The following BCL11A variants were observed in gnomAD, a reference collection of about 807,000 sequenced individuals.
BCL11A encodes BCL11 transcription factor A.
Under a neutral mutation model 55.9 loss-of-function variants are expected in BCL11A, and 2 were observed. The observed-to-expected ratio is 0.04, with a 90% CI of 0.01 to 0.11. The LOEUF is 0.11. Ranked by LOEUF, BCL11A falls within the 10% of genes least tolerant of loss-of-function variation. The probability of loss-of-function intolerance (pLI) is 1.00; values close to 1 mark genes in which losing one functional copy is unlikely to be tolerated. For missense variants in BCL11A, 817 were observed against 1,137.1 expected, an observed-to-expected ratio of 0.72 and a Z score of 4.05; for synonymous variants, 465 against 473.4, an observed-to-expected ratio of 0.98 and a Z score of 0.23.
downstream of BCL11A, among the ~76,000 whole-genome samples, chr2:60,454,591 C>T (rs951617179): frequency 1.3e-5 from 2 of 152,044 alleles, no homozygotes; most frequent in Non-Finnish European, 1.5e-5. Context: ...CATGTGTGTA[C>T]GGAGGGGGAA....
rs2104756797 is a variant in BCL11A at position 60,546,995 on chromosome 2, C to T, written c.56-695G>A. Among the ~76,000 whole-genome samples, 1 of 152,366 alleles carries T rather than the reference C, an allele frequency of 6.6e-6. No homozygotes were observed. Among genetic ancestry groups the T allele is most frequent in the South Asian group, 2.1e-4 (1 of 4,830 alleles). On this transcript the variant is annotated intron_variant, in intron 1 of 3. Transcript: ENST00000642384. This position sits in a 1 kb window ranked among gnomAD's most constrained non-coding sequence, Gnocchi z 4.1. ...CCAAAAACCTTTCTGCTCTCACTCT[C>T]AGCAGTGCCACAAAATCAAAGAAAT...
intron 2 of BCL11A, among the ~76,000 whole-genome samples, chr2:60,493,414 C>T (rs181894611): frequency 1.3e-5 from 2 of 152,120 alleles, no homozygotes. Flanking sequence ...AGGCTGCCCC[C>T]CTCCCACCCC....
intron 2 of BCL11A, among the ~76,000 whole-genome samples, chr2:60,495,186 G>A (rs1381057867): frequency 3.3e-5 from 5 of 152,194 alleles, no homozygotes; most frequent in Admixed American, 6.5e-5. Context: ...AACGGCCACC[G>A]ATGGAGAGGT....
chr2:60,487,573 A>C (rs1269787050), intron 2 of BCL11A, among the ~76,000 whole-genome samples: 2 of 152,226 alleles, frequency 1.3e-5, no homozygotes, highest in Non-Finnish European at 2.9e-5. Context: ...CCTTTATAAA[A>C]TCCAGAACAA....
At position 60,458,770 on chromosome 2, in the gene BCL11A, T is replaced by C. The variant is rs914592777; in HGVS notation, c.*1634A>G. The C allele has an allele frequency of 1.6e-5, 16 of 1,031,868 alleles. No individual in the cohort carries two copies. In the East Asian group the frequency reaches 4.2e-4, roughly 27 times the overall value. 63.9% of individuals were successfully genotyped at this position (1,031,868 alleles called of 1,614,324 possible). A position where few individuals can be genotyped will look rare whatever the true frequency, so the allele number is the denominator to read the frequency against. ...GTTTATTTTATACTCAACCTCTGTA[T>C]CTCTGATTAGAGAAAAGATACAGAT... is the stretch of plus-strand genomic sequence containing the variant. On this transcript the variant is annotated 3_prime_UTR_variant, in exon 4 of 4. Coordinates refer to ENST00000642384, the MANE Select transcript of BCL11A (RefSeq NM_022893.4).
In BCL11A at chr2:60,553,482, C is replaced by CAAAAAAAAAAAA. The variant is rs756699731; in HGVS notation, c.-224_-213dup. 6 of 35,116 alleles carry CAAAAAAAAAAAA rather than the reference C, an allele frequency of 1.7e-4. 1 individual carries two copies. The highest frequency in any genetic ancestry group is 7.1e-4 in the African/African-American group (5 of 7,066). 2.2% of individuals were successfully genotyped at this position (35,116 alleles called of 1,614,324 possible). The stretch of plus-strand genomic sequence containing the variant: ...AGAGCCGTCATGGCTTTTTTTTAAG[C>CAAAAAAAAAAAA]AAAAAAAAAAAAAAAAAAAAAAAAA... On this transcript the variant is annotated 5_prime_UTR_variant, in exon 1 of 4. Transcript: ENST00000642384.
chr2:60,505,201 C>T (rs1020982451), intron 2 of BCL11A, among the ~76,000 whole-genome samples: 1 of 152,108 alleles, frequency 6.6e-6, no homozygotes, highest in African/African-American at 2.4e-5. Context: ...AATGGACATT[C>T]GAAAGGGATG....
chr2:60,541,894 G>A, intron 2 of BCL11A: 1 of 708,424 alleles, frequency 1.4e-6, no homozygotes, highest in Non-Finnish European at 2.6e-6. Context: ...ACACCATAAG[G>A]TACACAAATA....
At chr2:60,452,541 G>T, downstream of BCL11A, 1 of 1,548,440 alleles carries the variant, frequency 6.5e-7, no homozygotes, top group South Asian at 1.1e-5. Context: ...TGGGCGGCAC[G>T]CGTCCACCCC....
At chr2:60,516,125 CT>C (rs1216462831) in intron 2 of BCL11A, among the ~76,000 whole-genome samples, 2 of 152,176 alleles carry the variant, frequency 1.3e-5, no homozygotes, top group Non-Finnish European at 2.9e-5. Flanking sequence ...CTCATGCCAG[CT>C]TTGGGTGCTC....
chr2:60,538,986 T>C (rs956569656), intron 2 of BCL11A, among the ~76,000 whole-genome samples: 3 of 152,114 alleles, frequency 2.0e-5, no homozygotes, highest in Non-Finnish European at 2.9e-5. Context: ...TGGTGGTGAA[T>C]TGGGAGGTGG....
At position 60,460,156 on chromosome 2, in the gene BCL11A, G is replaced by A. The variant is rs1676166416; in HGVS notation, c.*248C>T. 4.0e-6 allele frequency: 5 copies of A among 1,238,748 alleles called. No homozygotes were observed. Among genetic ancestry groups the A allele is most frequent in the Admixed American group, 8.5e-5 (2 of 23,466 alleles). The allele number at this position is 1,238,748 out of a possible 1,614,324, so 76.7% of individuals were successfully genotyped here. A position where few individuals can be genotyped will look rare whatever the true frequency, so the allele number is the denominator to read the frequency against. On this transcript the variant is annotated 3_prime_UTR_variant, in exon 4 of 4. Transcript: ENST00000642384. Reference sequence around the variant, plus strand: ...CATACAGATCATGCATTCAAACGGTGAGAACATAAAGGAAAAAAAAAAAAA... The same window carrying A: ...CATACAGATCATGCATTCAAACGGTAAGAACATAAAGGAAAAAAAAAAAAA...
intron 1 of BCL11A, chr2:60,550,999 C>T (rs925440353): frequency 7.2e-6 from 2 of 277,800 alleles, no homozygotes; most frequent in Non-Finnish European, 1.3e-5. Flanking sequence ...GGCCGCGCAA[C>T]GTGCCGGGGT....
intron 2 of BCL11A, chr2:60,535,736 G>C (rs1236727416): frequency 6.6e-6 from 1 of 152,234 alleles, no homozygotes; most frequent in East Asian, 1.9e-4. Flanking sequence ...CCTGTTGCTT[G>C]AGATTTGCCT....
At chr2:60,504,210 T>C (rs1679447490) in intron 2 of BCL11A, among the ~76,000 whole-genome samples, 1 of 152,234 alleles carries the variant, frequency 6.6e-6, no homozygotes, top group Non-Finnish European at 1.5e-5. Context: ...CCAGGGCTCA[T>C]GCTGCACTGT....
At chr2:60,541,382 C>T (rs1439526130) in intron 2 of BCL11A, among the ~76,000 whole-genome samples, 1 of 152,074 alleles carries the variant, frequency 6.6e-6, no homozygotes, top group Non-Finnish European at 1.5e-5. Context: ...GCCATGCGGG[C>T]CACTGTGTTT....
rs764766902 is a variant in BCL11A at position 60,460,884 on chromosome 2, G to T, written c.2028C>A (p.Phe676Leu). Residue 676 changes from phenylalanine to leucine, a missense_variant, in exon 4 of 4, where the codon TTC becomes TTA. Physicochemically the swap from Phe to Leu is conservative, Grantham distance 22 (BLOSUM62 0). Around this residue, in one of 4 missense-constraint regions of BCL11A, gnomAD observed 379 missense variants for 425.3 expected, o/e 0.89. Coordinates refer to ENST00000642384, the MANE Select transcript of BCL11A (RefSeq NM_022893.4). ...SRQLKDPFLS[F>L]GDSRQSPFAS... Reference sequence around the variant, plus strand: ...CAAAAGGCGATTGTCTGGAGTCTCCGAAGCTAAGGAAGGGATCTTTGAGCT... The same window carrying T: ...CAAAAGGCGATTGTCTGGAGTCTCCTAAGCTAAGGAAGGGATCTTTGAGCT... 6.2e-7 allele frequency: 1 copy of T among 1,613,208 alleles called. No individual in the cohort carries two copies. The highest frequency in any genetic ancestry group is 8.5e-7 in the Non-Finnish European group (1 of 1,180,034).
intron 2 of BCL11A, 24 bp from the exon 3 acceptor site, chr2:60,468,857 G>T: frequency 6.8e-7 from 1 of 1,466,190 alleles, no homozygotes; most frequent in Non-Finnish European, 9.5e-7. Flanking sequence ...CCAAAATCAA[G>T]CACTACAGCT....
rs148734179 is a variant in BCL11A, at chr2:60,460,103, GT to G, written c.*300del. On this transcript the variant is annotated 3_prime_UTR_variant, in exon 4 of 4. Transcript: ENST00000642384. ...TTATTGCACAAGAGAAAGGCTCAAAGTTTGCGTAAAATGCAATAGTATTGCC... is the reference window on the plus strand; with the variant it reads ...TTATTGCACAAGAGAAAGGCTCAAAGTTGCGTAAAATGCAATAGTATTGCC... 3.2e-4 allele frequency: 364 copies of G among 1,121,678 alleles called. 5 individuals are homozygous for G. The East Asian group carries it at 0.012, about 37-fold the overall frequency. 69.5% of individuals were successfully genotyped at this position (1,121,678 alleles called of 1,614,324 possible). A position where few individuals can be genotyped will look rare whatever the true frequency, so the allele number is the denominator to read the frequency against.
Sources: gnomAD v4.1 joint callset for allele counts (sites outside exome capture counted in the v4.1 genomes callset) on GRCh38, gnomAD v4.1.1 for gene constraint, gnomAD v4.1.1 regional missense constraint, Gnocchi (gnomAD v3.1) non-coding constraint, MANE v1.5 for transcripts, NCBI Gene and HGNC (gene_info 2026-07-23, HGNC 2026-07-21) for gene names.